MYT1L: variants seen among roughly 807,000 people sequenced by gnomAD.
MYT1L encodes myelin transcription factor 1-like protein.
MYT1L carries 12 observed loss-of-function variants against 126.7 expected under a neutral mutation model. The observed-to-expected ratio is 0.09, with a 90% CI of 0.06 to 0.15. MYT1L has a LOEUF of 0.15. MYT1L is among the 10% of genes least tolerant of loss of function. MYT1L has a pLI of 1.00. For missense variants in MYT1L, 979 were observed against 1,585.2 expected, an observed-to-expected ratio of 0.62 and a Z score of 6.49; for synonymous variants, 541 against 604.2, an observed-to-expected ratio of 0.90 and a Z score of 1.53.
intron 4 of MYT1L, among the ~76,000 whole-genome samples, chr2:2,000,135 C>T (rs899328182): frequency 6.6e-6 from 1 of 152,162 alleles, no homozygotes; most frequent in Admixed American, 6.5e-5. Flanking sequence ...CCTACAGCTC[C>T]CCTCCCTGGG....
chr2:1,934,727 T>TACACACACACACAC (rs56320658), intron 9 of MYT1L, among the ~76,000 whole-genome samples: 1 of 138,312 alleles, frequency 7.2e-6, no homozygotes, highest in African/African-American at 2.7e-5. Context: ...CTCTGTCATG[T>TACACACACACACAC]ACACACACAC....
intron 2 of MYT1L, among the ~76,000 whole-genome samples, chr2:2,211,121 G>T (rs1380793967): frequency 6.6e-6 from 1 of 152,022 alleles, no homozygotes; most frequent in African/African-American, 2.4e-5. Context: ...TAGTTTTTTG[G>T]TGAAGTCTTT....
chr2:2,122,570 G>A (rs1449378557), intron 3 of MYT1L, among the ~76,000 whole-genome samples: 5 of 152,178 alleles, frequency 3.3e-5, no homozygotes, highest in Non-Finnish European at 5.9e-5. Context: ...CAGGGTCCAA[G>A]TTCTTAAAGA....
intron 23 of MYT1L, among the ~76,000 whole-genome samples, chr2:1,797,040 C>T (rs1043287744): frequency 6.6e-6 from 1 of 152,140 alleles, no homozygotes; most frequent in Non-Finnish European, 1.5e-5. Flanking sequence ...TGAGTTGAAT[C>T]GGATGAGATG....
chr2:1,836,456 A>T (rs1227017434), intron 21 of MYT1L, among the ~76,000 whole-genome samples: 1 of 150,936 alleles, frequency 6.6e-6, no homozygotes, highest in Non-Finnish European at 1.5e-5. Flanking sequence ...ACATTCCATC[A>T]GCCTGTGCCC....
chr2:1,942,589 A>G (rs769560346), intron 9 of MYT1L, among the ~76,000 whole-genome samples: 1 of 152,240 alleles, frequency 6.6e-6, no homozygotes, highest in African/African-American at 2.4e-5. Context: ...GGGCTAAGCC[A>G]TTCCAACAAC....
At chr2:1,897,459 TTTTTG>T (rs1335416867) in intron 14 of MYT1L, among the ~76,000 whole-genome samples, 1 of 150,512 alleles carries the variant, frequency 6.6e-6, no homozygotes, top group African/African-American at 2.4e-5. Context: ...ACTTTTTTTT[TTTTTG>T]TTTGTTTGTT....
intron 2 of MYT1L, among the ~76,000 whole-genome samples, chr2:2,180,632 G>T (rs1326683191): frequency 6.6e-6 from 1 of 151,684 alleles, no homozygotes; most frequent in Non-Finnish European, 1.5e-5. Context: ...GTGTAGCTGT[G>T]TGTGCACCTG....
intron 2 of MYT1L, among the ~76,000 whole-genome samples, chr2:2,260,688 T>C (rs551496490): frequency 6.6e-6 from 1 of 152,308 alleles, no homozygotes; most frequent in African/African-American, 2.4e-5. Context: ...ACTGAGACTC[T>C]GCTTTATTAA....
chr2:2,318,741 T>A (rs1483066617), intron 1 of MYT1L, among the ~76,000 whole-genome samples: 1 of 152,250 alleles, frequency 6.6e-6, no homozygotes, highest in Non-Finnish European at 1.5e-5. Context: ...GAAATTTATC[T>A]GAGCAAATTA....
At chr2:1,933,636 G>A (rs914272100) in intron 9 of MYT1L, among the ~76,000 whole-genome samples, 2 of 152,288 alleles carry the variant, frequency 1.3e-5, no homozygotes. Flanking sequence ...TCAAGCACAC[G>A]TGTGTGCATG....
Position 2,318,003 on chromosome 2 carries a change from G to A in MYT1L, c.-521+12964C>T, listed in dbSNP as rs2096095902. ...CTCGATCTTGTAGGAGGAAGGACGA[G>A]ATGTGTGAAAATCGTTTACTGATTT... On this transcript the variant is annotated intron_variant, in intron 1 of 24. Coordinates refer to ENST00000647738, the MANE Select transcript of MYT1L (RefSeq NM_001303052.2). Among the ~76,000 whole-genome samples the A allele has an allele frequency of 3.9e-5, 6 of 152,214 alleles. No individual in the cohort carries two copies. The South Asian group carries it at 6.2e-4, about 16-fold the overall frequency.
At chr2:1,802,063 C>T in intron 22 of MYT1L, 1 of 337,556 alleles carries the variant, frequency 3.0e-6, no homozygotes. Flanking sequence ...GGGTCGAGCT[C>T]CCAGGGACAG....
rs527839632 is a variant in MYT1L at position 2,271,667 on chromosome 2, G to T, written c.-421+12737C>A. On this transcript the variant is annotated intron_variant, in intron 2 of 24. Transcript: ENST00000647738. ...TTCTAGAAGGAGGAAGTGCAACATC[G>T]AGGAGCCAGAAAGTTTGGTTTCTAG... 5.3e-5 allele frequency among the ~76,000 whole-genome samples: 8 copies of T among 152,264 alleles called. No homozygotes were observed. In the South Asian group the frequency reaches 1.7e-3, roughly 32 times the overall value.
chr2:2,122,040 G>C (rs929640249), intron 3 of MYT1L, among the ~76,000 whole-genome samples: 3 of 152,298 alleles, frequency 2.0e-5, no homozygotes, highest in Middle Eastern at 3.4e-3. Context: ...TAAACTGTGC[G>C]TCTGTCAGCA....
chr2:2,237,842 G>T (rs1213542345), intron 2 of MYT1L, among the ~76,000 whole-genome samples: 3 of 152,180 alleles, frequency 2.0e-5, no homozygotes, highest in Non-Finnish European at 4.4e-5. Flanking sequence ...GGCAGCTGGG[G>T]TCTCCTGTGA....
At chr2:1,824,172 C>T (rs1039895736) in intron 21 of MYT1L, among the ~76,000 whole-genome samples, 1 of 152,234 alleles carries the variant, frequency 6.6e-6, no homozygotes, top group Non-Finnish European at 1.5e-5. Context: ...GCAGACTAGA[C>T]TTACTAAACA....
intron 2 of MYT1L, among the ~76,000 whole-genome samples, chr2:2,230,503 A>AT (rs1411015078): frequency 6.6e-6 from 1 of 152,212 alleles, no homozygotes; most frequent in Non-Finnish European, 1.5e-5. Flanking sequence ...GGTGACTATT[A>AT]TGGGTCTTGC....
At chr2:2,170,950 C>T (rs2089968625) in intron 3 of MYT1L, among the ~76,000 whole-genome samples, 1 of 152,164 alleles carries the variant, frequency 6.6e-6, no homozygotes, top group Non-Finnish European at 1.5e-5. Context: ...ACGTGAAATG[C>T]AAGCACTGGT....
Sources: gnomAD v4.1 joint callset for allele counts (sites outside exome capture counted in the v4.1 genomes callset) on GRCh38, gnomAD v4.1.1 for gene constraint, MANE v1.5 for transcripts, NCBI Gene and HGNC (gene_info 2026-07-23, HGNC 2026-07-21) for gene names.